ERBB4: variants seen among roughly 807,000 people sequenced by gnomAD.
The protein encoded by ERBB4 is erb-b2 receptor tyrosine kinase 4.
A neutral mutation model predicts 158.0 loss-of-function variants in ERBB4; 42 were observed. That is an observed-to-expected ratio of 0.27 (90% CI 0.21 to 0.34). The LOEUF is 0.34. Ranked by LOEUF, ERBB4 falls within the 10% of genes least tolerant of loss-of-function variation. The probability of loss-of-function intolerance (pLI) is 1.00; values close to 1 mark genes in which losing one functional copy is unlikely to be tolerated. For missense variants in ERBB4, 1,333 were observed against 1,624.1 expected, an observed-to-expected ratio of 0.82 and a Z score of 3.08; for synonymous variants, 583 against 558.7, an observed-to-expected ratio of 1.04 and a Z score of -0.61.
At chr2:211,454,624 G>T (rs1404711256) in intron 20 of ERBB4, among the ~76,000 whole-genome samples, 1 of 152,182 alleles carries the variant, frequency 6.6e-6, no homozygotes, top group East Asian at 1.9e-4. Flanking sequence ...ATTTTAAAGA[G>T]TACAAGTGAC....
intron 4 of ERBB4, among the ~76,000 whole-genome samples, chr2:211,782,076 T>G (rs7593089): frequency 0.069 from 10,472 of 152,188 alleles, 935 homozygotes; most frequent in African/African-American, 0.21. Flanking sequence ...TAAAATCTCC[T>G]TAAGGGGAGG....
intron 3 of ERBB4, among the ~76,000 whole-genome samples, chr2:211,863,561 T>C (rs999625590): frequency 6.6e-6 from 1 of 152,072 alleles, no homozygotes; most frequent in African/African-American, 2.4e-5. Flanking sequence ...AACAAACTAC[T>C]CCAGACGTGC....
intron 20 of ERBB4, among the ~76,000 whole-genome samples, chr2:211,557,369 A>G (rs555798420): frequency 6.6e-6 from 1 of 152,166 alleles, no homozygotes; most frequent in Non-Finnish European, 1.5e-5. Flanking sequence ...CTATGCATTC[A>G]ACAAAGATCT....
chr2:212,432,719 A>G (rs1334282746), intron 1 of ERBB4, among the ~76,000 whole-genome samples: 1 of 152,146 alleles, frequency 6.6e-6, no homozygotes, highest in Admixed American at 6.6e-5. Flanking sequence ...CAAGAAACAC[A>G]TTTAACATCA....
intron 2 of ERBB4, among the ~76,000 whole-genome samples, chr2:211,953,523 G>A (rs76159963): frequency 0.029 from 4,271 of 145,248 alleles, 82 homozygotes; most frequent in Non-Finnish European, 0.048. Context: ...ACAAAATCCT[G>A]ACTCTGGTTC....
chr2:212,373,836 T>C (rs1454108566), intron 1 of ERBB4, among the ~76,000 whole-genome samples: 1 of 117,734 alleles, frequency 8.5e-6, no homozygotes, highest in African/African-American at 3.3e-5. Flanking sequence ...TATATATATA[T>C]ATCCATGTAT....
At chr2:212,110,537 A>T (rs1256748716) in intron 2 of ERBB4, among the ~76,000 whole-genome samples, 1 of 152,240 alleles carries the variant, frequency 6.6e-6, no homozygotes, top group Non-Finnish European at 1.5e-5. Context: ...ACTGAAATAG[A>T]TGAGAGTTGA....
At chr2:212,478,073 A>G (rs974563482) in intron 1 of ERBB4, among the ~76,000 whole-genome samples, 5 of 152,270 alleles carry the variant, frequency 3.3e-5, no homozygotes, top group African/African-American at 9.6e-5. Context: ...CAAGAACCCA[A>G]TCAACTAACT....
chr2:211,965,955 TA>T lies in ERBB4; in HGVS notation c.235-18340del, dbSNP rs1440015246. On this transcript the variant is annotated intron_variant, in intron 2 of 27. Transcript: ENST00000342788. ...GGTTGGGCACAGAGAATCATGCCTG[TA>T]ATCCCAGCACTTTGGGAGGCCAGGG... is the stretch of plus-strand genomic sequence containing the variant. Among the ~76,000 whole-genome samples the T allele has an allele frequency of 2.0e-5, 3 of 152,232 alleles. No individual in the cohort carries two copies. In the East Asian group the frequency reaches 5.8e-4, roughly 29 times the overall value.
At chr2:211,477,684 A>G (rs1314371518) in intron 20 of ERBB4, among the ~76,000 whole-genome samples, 5 of 151,958 alleles carry the variant, frequency 3.3e-5, no homozygotes, top group Non-Finnish European at 7.4e-5. Flanking sequence ...GAAACTAGAG[A>G]AGGAGGATAA....
chr2:212,499,798 T>C (rs1036291217), intron 1 of ERBB4, among the ~76,000 whole-genome samples: 1 of 152,052 alleles, frequency 6.6e-6, no homozygotes, highest in African/African-American at 2.4e-5. Context: ...AAGTTAAAAG[T>C]GATGGGACAC....
At chr2:211,751,280 C>T (rs961735448) in intron 4 of ERBB4, among the ~76,000 whole-genome samples, 1 of 152,070 alleles carries the variant, frequency 6.6e-6, no homozygotes, top group Admixed American at 6.6e-5. Context: ...TTTGCATTTT[C>T]AACTCTAAGC....
At chr2:211,980,737 G>C (rs980801927) in intron 2 of ERBB4, among the ~76,000 whole-genome samples, 1 of 152,026 alleles carries the variant, frequency 6.6e-6, no homozygotes. Context: ...TAGATGCTTT[G>C]TTTGAAAATG....
At chr2:212,385,301 GTA>G (rs2090639093) in intron 1 of ERBB4, among the ~76,000 whole-genome samples, 1 of 151,712 alleles carries the variant, frequency 6.6e-6, no homozygotes, top group African/African-American at 2.4e-5. Flanking sequence ...TTTGATAAAG[GTA>G]TTCAAATATA....
chr2:211,701,564 G>A (rs958078525), intron 12 of ERBB4, among the ~76,000 whole-genome samples: 1 of 151,784 alleles, frequency 6.6e-6, no homozygotes, highest in African/African-American at 2.4e-5. Flanking sequence ...GGACCATCCT[G>A]GCTAACACAG....
intron 2 of ERBB4, among the ~76,000 whole-genome samples, chr2:212,048,531 G>A (rs1357393533): frequency 4.6e-5 from 7 of 152,150 alleles, no homozygotes; most frequent in Admixed American, 1.3e-4. Flanking sequence ...AAGGAAAATC[G>A]AAGGTAATCC....
chr2:211,754,125 G>T lies in ERBB4; in HGVS notation c.557-3421C>A, dbSNP rs112598627. On this transcript the variant is annotated intron_variant, in intron 4 of 27. Coordinates refer to ENST00000342788, the MANE Select transcript of ERBB4 (RefSeq NM_005235.3). ...TCTGCCTGCCTCGGCCTCCCAAAGTGCTGGGATTACAGGCGTAAGCCACCG... is the reference window on the plus strand; with the variant it reads ...TCTGCCTGCCTCGGCCTCCCAAAGTTCTGGGATTACAGGCGTAAGCCACCG... Among the ~76,000 whole-genome samples the T allele has an allele frequency of 2.0e-5, 3 of 152,064 alleles. No homozygotes were observed. In the East Asian group the frequency reaches 5.8e-4, roughly 29 times the overall value.
At chr2:211,550,587 A>C (rs965728065) in intron 20 of ERBB4, among the ~76,000 whole-genome samples, 3 of 145,744 alleles carry the variant, frequency 2.1e-5, no homozygotes, top group South Asian at 2.1e-4. Context: ...ATATATATAT[A>C]TATATATAAA....
At position 212,249,068 on chromosome 2, in the gene ERBB4, T is replaced by TA. The variant is rs199814284; in HGVS notation, c.83-124166dup. On this transcript the variant is annotated intron_variant, in intron 1 of 27. Transcript: ENST00000342788. ...TTCTAATTTATATTTGGGGTTATTT[T>TA]AACAGGAACTAGACCAGCAACAGAC... 4.8e-3 allele frequency among the ~76,000 whole-genome samples: 736 copies of TA among 152,214 alleles called. 7 individuals are homozygous for TA. The highest frequency in any genetic ancestry group is 0.017 in the Middle Eastern group (5 of 294).
Sources: allele counts gnomAD v4.1 joint callset (sites outside exome capture counted in the v4.1 genomes callset), GRCh38; gene constraint gnomAD v4.1.1; transcripts MANE v1.5; gene names NCBI Gene and HGNC (gene_info 2026-07-23, HGNC 2026-07-21).